SLC16A12: variants seen among roughly 807,000 people sequenced by gnomAD.
SLC16A12 encodes the protein monocarboxylate transporter 12.
In SLC16A12, 17 loss-of-function variants were observed where a neutral mutation model predicts 42.4. The observed-to-expected ratio is 0.40, with a 90% CI of 0.27 to 0.60. The LOEUF (loss-of-function observed/expected upper bound fraction) is 0.60. Ranked by LOEUF, SLC16A12 falls within the 20% of genes least tolerant of loss-of-function variation. SLC16A12 has a pLI of 0.42. For missense variants in SLC16A12, 544 were observed against 623.0 expected, an observed-to-expected ratio of 0.87 and a Z score of 1.35; for synonymous variants, 224 against 229.4, an observed-to-expected ratio of 0.98 and a Z score of 0.21.
chr10:89,502,746 G>T (rs160054), intron 2 of SLC16A12, among the ~76,000 whole-genome samples: 32,976 of 152,136 alleles, frequency 0.22, 4,338 homozygotes, highest in Non-Finnish European at 0.31. Flanking sequence ...TCAGTTTCCA[G>T]CTGCCAAATC....
At chr10:89,452,373 C>T (rs1842108295) in intron 3 of SLC16A12, among the ~76,000 whole-genome samples, 1 of 152,118 alleles carries the variant, frequency 6.6e-6, no homozygotes, top group African/African-American at 2.4e-5. Flanking sequence ...GAGTTCAAGA[C>T]TCATATTTGC....
At chr10:89,534,898 C>T (rs563206119) in intron 1 of SLC16A12, among the ~76,000 whole-genome samples, 1 of 152,130 alleles carries the variant, frequency 6.6e-6, no homozygotes, top group East Asian at 1.9e-4. Flanking sequence ...CAAATAGCCC[C>T]AGGACTTACT....
At position 89,439,116 on chromosome 10, in the gene SLC16A12, T is replaced by C; in HGVS notation, c.516A>G (p.Lys172=). 1 of 1,613,976 alleles carries C rather than the reference T, an allele frequency of 6.2e-7. No individual in the cohort carries two copies. Among genetic ancestry groups the C allele is most frequent in the Non-Finnish European group, 8.5e-7 (1 of 1,179,954 alleles). ...AMVGKYFSRR[K]ALAYGIAMSG... ...ACATGGCGATACCATAAGCAAGGGC[T>C]TTCCGTCTGCTGAAGTACTTGCCAA... Residue 172 remains lysine (K), a synonymous_variant, in exon 6 of 8, where the codon AAA becomes AAG. Coordinates refer to ENST00000371790, the MANE Select transcript of SLC16A12 (RefSeq NM_213606.4).
At chr10:89,460,099 C>T (rs1340648680) in intron 3 of SLC16A12, among the ~76,000 whole-genome samples, 2 of 152,152 alleles carry the variant, frequency 1.3e-5, no homozygotes, top group African/African-American at 2.4e-5. Flanking sequence ...GGCAATTCCA[C>T]AGAAGTGCAA....
At chr10:89,482,778 T>C (rs1226057413) in intron 2 of SLC16A12, among the ~76,000 whole-genome samples, 1 of 138,376 alleles carries the variant, frequency 7.2e-6, no homozygotes, top group South Asian at 2.2e-4. Flanking sequence ...AGTGAGACCC[T>C]GTCTAAAAAA....
intron 2 of SLC16A12, among the ~76,000 whole-genome samples, chr10:89,541,338 G>A (rs1381998613): frequency 7.9e-5 from 12 of 152,110 alleles, no homozygotes; most frequent in Non-Finnish European, 1.8e-4. Context: ...GCTCATGCCT[G>A]TAATCCAACA....
intron 2 of SLC16A12, among the ~76,000 whole-genome samples, chr10:89,544,225 G>A (rs1347510127): frequency 6.6e-6 from 1 of 152,176 alleles, no homozygotes; most frequent in Non-Finnish European, 1.5e-5. Flanking sequence ...TGTGCAGGTT[G>A]GTGGTTCTCT....
chr10:89,446,071 G>A (rs1275815265), intron 3 of SLC16A12, among the ~76,000 whole-genome samples: 1 of 152,132 alleles, frequency 6.6e-6, no homozygotes, highest in African/African-American at 2.4e-5. Flanking sequence ...AGAATAAAAA[G>A]AAATGAACAA....
intron 2 of SLC16A12, among the ~76,000 whole-genome samples, chr10:89,533,255 T>A (rs1843589284): frequency 6.6e-6 from 1 of 152,046 alleles, no homozygotes; most frequent in Non-Finnish European, 1.5e-5. Context: ...ATTTTCCTGC[T>A]TAGGTAAAAC....
rs558429462 is a variant in SLC16A12 at position 89,444,149 on chromosome 10, T to G, written c.201-290A>C. Among the ~76,000 whole-genome samples, 28 of 152,356 alleles carry G rather than the reference T, an allele frequency of 1.8e-4. No individual in the cohort carries two copies. In the South Asian group the frequency reaches 2.5e-3, roughly 14 times the overall value. ...TCAGGAACATGGATTCTTATTTATT[T>G]TTGTATTTTGCTAACTTCTTCTGAG... On this transcript the variant is annotated intron_variant, in intron 3 of 7. Transcript: ENST00000371790.
chr10:89,493,432 A>G (rs1018286770), intron 2 of SLC16A12, among the ~76,000 whole-genome samples: 1 of 152,180 alleles, frequency 6.6e-6, no homozygotes, highest in Non-Finnish European at 1.5e-5. Context: ...CATGGCGGTC[A>G]GGCTGGTCTT....
intron 2 of SLC16A12, among the ~76,000 whole-genome samples, chr10:89,492,303 A>G (rs1311450564): frequency 6.6e-6 from 1 of 152,246 alleles, no homozygotes; most frequent in East Asian, 1.9e-4. Context: ...AAGGATGGTG[A>G]TAAATGTATA....
chr10:89,529,568 G>A (rs926779784), intron 2 of SLC16A12, among the ~76,000 whole-genome samples: 2 of 68,146 alleles, frequency 2.9e-5, no homozygotes, highest in Non-Finnish European at 2.7e-5. Flanking sequence ...TTTTTTTTTT[G>A]AGACAGTCTC....
In SLC16A12 at chr10:89,459,067, C is replaced by T. The variant is rs1400961838; in HGVS notation, c.200+3312G>A. Among the ~76,000 whole-genome samples the T allele has an allele frequency of 2.6e-5, 4 of 152,266 alleles. No individual in the cohort carries two copies. In the South Asian group the frequency reaches 6.2e-4, roughly 24 times the overall value. ...GAAGAGCACTCAGGAATACCTGTTC[C>T]TCTGCAATTTTTCCTATGGAAGAAT... On this transcript the variant is annotated intron_variant, in intron 3 of 7. Coordinates refer to ENST00000371790, the MANE Select transcript of SLC16A12 (RefSeq NM_213606.4).
intron 2 of SLC16A12, among the ~76,000 whole-genome samples, chr10:89,540,839 G>T (rs944692952): frequency 1.3e-5 from 2 of 151,720 alleles, no homozygotes; most frequent in African/African-American, 4.8e-5. Context: ...GAAAGGCATT[G>T]AATTTGAAAT....
chr10:89,437,145 A>C (rs1159198598), intron 6 of SLC16A12, among the ~76,000 whole-genome samples: 2 of 152,224 alleles, frequency 1.3e-5, no homozygotes, highest in African/African-American at 4.8e-5. Flanking sequence ...CAATAACCCA[A>C]GTGGTTACAC....
Position 89,436,346 on chromosome 10 carries a change from T to G in SLC16A12, c.1029-27A>C, listed in dbSNP as rs1230957438. 1.9e-6 allele frequency: 3 copies of G among 1,613,724 alleles called. No individual in the cohort carries two copies. The East Asian group carries it at 6.7e-5, about 36-fold the overall frequency. On this transcript the variant is annotated intron_variant, in intron 6 of 7. Transcript: ENST00000371790. ...TGTAGATTTGAAGAACAAGAATAAGTGCAGGAGGTACACATTCTGTAAAAG... is the reference window on the plus strand; with the variant it reads ...TGTAGATTTGAAGAACAAGAATAAGGGCAGGAGGTACACATTCTGTAAAAG...
At chr10:89,524,624 T>C (rs1843419397) in intron 2 of SLC16A12, among the ~76,000 whole-genome samples, 1 of 152,210 alleles carries the variant, frequency 6.6e-6, no homozygotes, top group South Asian at 2.1e-4. Context: ...TGATCACTTA[T>C]GGGACTCATT....
At position 89,545,761 on chromosome 10, in the gene SLC16A12, A is replaced by G. The variant is rs531082121; in HGVS notation, c.-47+10121T>C. ...AAAACCTCACATAGCCAAGACAATCATAAGCAAAAAGAGCAAAGTCATACT... is the reference window on the plus strand; with the variant it reads ...AAAACCTCACATAGCCAAGACAATCGTAAGCAAAAAGAGCAAAGTCATACT... On this transcript the variant is annotated intron_variant, in intron 2 of 2. Coordinates refer to the SLC16A12 transcript ENST00000475682. Among the ~76,000 whole-genome samples the G allele has an allele frequency of 5.9e-5, 9 of 152,358 alleles. No homozygotes were observed. In the East Asian group the frequency reaches 1.5e-3, roughly 26 times the overall value.
Sources: gnomAD v4.1 joint callset for allele counts (sites outside exome capture counted in the v4.1 genomes callset) on GRCh38, gnomAD v4.1.1 for gene constraint, MANE v1.5 for transcripts, NCBI Gene and HGNC (gene_info 2026-07-23, HGNC 2026-07-21) for gene names.